Variants in ANOS1 observed in about 807,000 individuals in gnomAD.
ANOS1 encodes anosmin-1.
Under a neutral mutation model 59.0 loss-of-function variants are expected in ANOS1, and 6 were observed. That is an observed-to-expected ratio of 0.10 (90% confidence interval 0.06 to 0.20). The LOEUF (loss-of-function observed/expected upper bound fraction) is 0.20. Among genes scored for constraint, ANOS1 ranks in the 10% least tolerant of loss-of-function variants. The pLI is 1.00. For missense variants in ANOS1, 433 were observed against 542.3 expected (o/e 0.80, Z 2.00); for synonymous variants, 217 against 223.4 (o/e 0.97, Z 0.25).
At chrX:8,709,722 T>A (rs1018960303) in intron 1 of ANOS1, among the ~76,000 whole-genome samples, 2 of 111,949 alleles carry the variant, frequency 1.8e-5, no homozygotes, top group African/African-American at 6.5e-5. Flanking sequence ...GGTGTTGTGT[T>A]CTTAATATAG....
chrX:8,538,023 C>T (rs916974618), intron 10 of ANOS1, among the ~76,000 whole-genome samples: 1 of 111,005 alleles, frequency 9.0e-6, no homozygotes, highest in African/African-American at 3.3e-5. Flanking sequence ...TGTGCTGGCC[C>T]TTCATCCAGA....
At chrX:8,538,686 TTTAA>T (rs1171173040) in intron 10 of ANOS1, among the ~76,000 whole-genome samples, 4 of 112,307 alleles carry the variant, frequency 3.6e-5, no homozygotes, top group African/African-American at 1.3e-4. Flanking sequence ...AGAATGTCTG[TTTAA>T]TTATTTTACT....
chrX:8,555,293 G>A (rs1272571655), intron 8 of ANOS1, among the ~76,000 whole-genome samples: 4 of 110,835 alleles, frequency 3.6e-5, no homozygotes, highest in Non-Finnish European at 5.7e-5. Flanking sequence ...ATCTAAAATC[G>A]ACACCCTAAC....
At chrX:8,588,261 C>T (rs1930555845) in intron 4 of ANOS1, among the ~76,000 whole-genome samples, 1 of 111,239 alleles carries the variant, frequency 9.0e-6, no homozygotes, top group Non-Finnish European at 1.9e-5. Flanking sequence ...CCCTAGTAAT[C>T]TCTAGAGCAA....
At chrX:8,637,150 GCA>G (rs765695703) in intron 2 of ANOS1, among the ~76,000 whole-genome samples, 1 of 112,298 alleles carries the variant, frequency 8.9e-6, no homozygotes, top group African/African-American at 3.2e-5. Context: ...CGAGCAGCAA[GCA>G]CTAACTCAGT....
intron 2 of ANOS1, among the ~76,000 whole-genome samples, chrX:8,666,235 T>A (rs1384499508): frequency 9.1e-6 from 1 of 110,462 alleles, no homozygotes; most frequent in African/African-American, 3.3e-5. Context: ...AAGAAAAAAA[T>A]CCCAAATTTT....
chrX:8,656,227 A>G (rs1488636821), intron 2 of ANOS1, among the ~76,000 whole-genome samples: 3 of 112,615 alleles, frequency 2.7e-5, no homozygotes, highest in African/African-American at 9.7e-5. Flanking sequence ...CCTTCCTCAT[A>G]TCAAAGCAGG....
chrX:8,583,732 T>C (rs1280406925), intron 6 of ANOS1, among the ~76,000 whole-genome samples: 1 of 112,618 alleles, frequency 8.9e-6, no homozygotes, highest in Non-Finnish European at 1.9e-5. Context: ...ATTTTGGGTA[T>C]ATTTGTAACA....
At chrX:8,609,312 G>A (rs1931000398) in intron 3 of ANOS1, among the ~76,000 whole-genome samples, 1 of 111,699 alleles carries the variant, frequency 9.0e-6, no homozygotes, top group Non-Finnish European at 1.9e-5. Flanking sequence ...ACTCTGATTG[G>A]ACAGAAGACT....
intron 6 of ANOS1, among the ~76,000 whole-genome samples, chrX:8,583,452 A>C (rs1930459259): frequency 1.8e-5 from 2 of 111,948 alleles, no homozygotes; most frequent in Non-Finnish European, 3.8e-5. Context: ...CATTTTTCCC[A>C]GTGAGGCTGT....
chrX:8,595,625 T>C (rs1251546686), intron 4 of ANOS1, among the ~76,000 whole-genome samples: 1 of 112,219 alleles, frequency 8.9e-6, no homozygotes, highest in Non-Finnish European at 1.9e-5. Context: ...TACTTCTTTA[T>C]ACACATTTTT....
At chrX:8,574,091 C>A (rs771280218) in intron 6 of ANOS1, among the ~76,000 whole-genome samples, 63 of 110,335 alleles carry the variant, frequency 5.7e-4, no homozygotes, top group Non-Finnish European at 1.0e-3. Context: ...CCTCAGTTAC[C>A]TCCCAGAGCA....
chrX:8,535,244 T>G, intron 12 of ANOS1: 1 of 211,449 alleles, frequency 4.7e-6, no homozygotes. Context: ...CCCTCCCCAA[T>G]TCAACACTTC....
rs1326691399 is a variant in ANOS1, at chrX:8,611,646, G to GT, written c.318+11961dup. ...TAAAACAAGGATAAGAATCTCAAAG[G>GT]TTTTTCAGAAAATATGCATGTCGGA... On this transcript the variant is annotated intron_variant, in intron 3 of 13. Coordinates refer to ENST00000262648, the MANE Select transcript of ANOS1 (RefSeq NM_000216.4). Among the ~76,000 whole-genome samples the GT allele has an allele frequency of 3.6e-5, 4 of 110,325 alleles. No individual in the cohort carries two copies. In the East Asian group the frequency reaches 8.4e-4, roughly 23 times the overall value.
intron 4 of ANOS1, among the ~76,000 whole-genome samples, chrX:8,591,137 A>G (rs189687206): frequency 6.8e-4 from 76 of 111,896 alleles, no homozygotes; most frequent in Non-Finnish European, 1.3e-3. Flanking sequence ...TTGTGTCAAG[A>G]AAAAAGCCAC....
chrX:8,588,225 C>A (rs1347909577), intron 4 of ANOS1, among the ~76,000 whole-genome samples: 1 of 110,223 alleles, frequency 9.1e-6, no homozygotes, highest in Non-Finnish European at 1.9e-5. Flanking sequence ...TAAATTGGTT[C>A]CTGATTCTGT....
At chrX:8,580,221 T>C (rs1286279055) in intron 6 of ANOS1, among the ~76,000 whole-genome samples, 4 of 112,267 alleles carry the variant, frequency 3.6e-5, no homozygotes, top group Non-Finnish European at 7.5e-5. Flanking sequence ...ACATTCTAAA[T>C]AAAGAGACAA....
chrX:8,571,514 T>C (rs921555877), intron 6 of ANOS1, among the ~76,000 whole-genome samples: 1 of 111,573 alleles, frequency 9.0e-6, no homozygotes, highest in Non-Finnish European at 1.9e-5. Context: ...AGAAAAAAAA[T>C]ATAAAAACCT....
chrX:8,559,298 G>A (rs977404617), intron 8 of ANOS1, among the ~76,000 whole-genome samples: 2 of 111,723 alleles, frequency 1.8e-5, no homozygotes, highest in Non-Finnish European at 3.8e-5. Context: ...TGAAAGATGA[G>A]GCGAGAGTAT....
Sources: gnomAD v4.1 joint callset for allele counts (sites outside exome capture counted in the v4.1 genomes callset) on GRCh38, gnomAD v4.1.1 for gene constraint, MANE v1.5 for transcripts, NCBI Gene and HGNC (gene_info 2026-07-23, HGNC 2026-07-21) for gene names.